The following CTNNB1 variants were observed in gnomAD, a reference collection of about 807,000 sequenced individuals.
The protein encoded by CTNNB1 is catenin beta-1.
A neutral mutation model predicts 82.5 loss-of-function variants in CTNNB1; 6 were observed. That is an observed-to-expected ratio of 0.07 (90% CI 0.04 to 0.14). CTNNB1 has a LOEUF of 0.14. CTNNB1 is among the 10% of genes least tolerant of loss of function. The probability of loss-of-function intolerance (pLI) is 1.00; values close to 1 mark genes in which losing one functional copy is unlikely to be tolerated. For missense variants in CTNNB1, 529 were observed against 980.4 expected (o/e 0.54, Z 6.15); for synonymous variants, 312 against 329.7 (o/e 0.95, Z 0.58).
At chr3:41,234,436 AT>A in intron 10 of CTNNB1, 139 bp downstream of exon 10, 2 of 849,552 alleles carry the variant, frequency 2.4e-6, no homozygotes, top group South Asian at 1.5e-5. Flanking sequence ...TAAATAAATA[AT>A]TACACATTTC....
chr3:41,215,409 CTT>C (rs1364424956), intron 1 of CTNNB1, among the ~76,000 whole-genome samples: 2 of 144,068 alleles, frequency 1.4e-5, no homozygotes, highest in African/African-American at 5.0e-5. Flanking sequence ...AAAAAACACT[CTT>C]AGGTTATAAA....
At chr3:41,238,326 C>T in intron 14 of CTNNB1, 2 of 487,430 alleles carry the variant, frequency 4.1e-6, no homozygotes, top group Non-Finnish European at 7.3e-6. Flanking sequence ...CTCTGCAGTG[C>T]AGGATGTTAC....
At chr3:41,212,114 T>A (rs919008119) in intron 1 of CTNNB1, among the ~76,000 whole-genome samples, 11 of 152,342 alleles carry the variant, frequency 7.2e-5, no homozygotes, top group Admixed American at 7.2e-4. Context: ...TTTTGCCCAT[T>A]GAGATCTTCC....
chr3:41,216,049 AAAGGGTAC>A (rs2077910851), intron 1 of CTNNB1, among the ~76,000 whole-genome samples: 1 of 152,188 alleles, frequency 6.6e-6, no homozygotes, highest in Non-Finnish European at 1.5e-5. Flanking sequence ...GATTAGATTG[AAAGGGTAC>A]ATGACTGAGC....
At chr3:41,227,035 G>A (rs536582610) in intron 6 of CTNNB1, among the ~76,000 whole-genome samples, 173 bp from the exon 7 acceptor site, 9 of 152,270 alleles carry the variant, frequency 5.9e-5, no homozygotes, top group African/African-American at 1.9e-4. Flanking sequence ...AAAAGGACAA[G>A]TTGGATAGGG....
chr3:41,232,476 C>A (rs1167177526), intron 7 of CTNNB1, among the ~76,000 whole-genome samples: 1 of 151,984 alleles, frequency 6.6e-6, no homozygotes, highest in Non-Finnish European at 1.5e-5. Flanking sequence ...TAGACCTCAT[C>A]TGAGGAAATA....
rs760755242 is a variant in CTNNB1, at chr3:41,239,419, G to A, written c.*77G>A. The A allele has an allele frequency of 1.7e-4, 233 of 1,351,558 alleles. No homozygotes were observed. The highest frequency in any genetic ancestry group is 2.3e-4 in the Non-Finnish European group (223 of 966,062). 83.7% of individuals were successfully genotyped at this position (1,351,558 alleles called of 1,614,324 possible). A position where few individuals can be genotyped will look rare whatever the true frequency, so the allele number is the denominator to read the frequency against. ...TACTCTGCCTACAGAACTTCAGAAAGACTTGGTTGGTAGGGTGGGAGTGGT... is the reference window on the plus strand; with the variant it reads ...TACTCTGCCTACAGAACTTCAGAAAAACTTGGTTGGTAGGGTGGGAGTGGT... On this transcript the variant is annotated 3_prime_UTR_variant, in exon 15 of 15. Transcript: ENST00000349496.
At position 41,225,879 on chromosome 3, in the gene CTNNB1, T is replaced by C. The variant is rs374234001; in HGVS notation, c.936+18T>C. ...AAAGCAAGGTAAGAGAATTATTCTT[T>C]ATGTGGTTTTCATGGAGCATTGGAC... is the stretch of plus-strand genomic sequence containing the variant. On this transcript the variant is annotated intron_variant, in intron 6 of 14. Transcript: ENST00000349496. This position sits in a 1 kb window ranked among gnomAD's most constrained non-coding sequence, Gnocchi z 5.3. The C allele has an allele frequency of 6.2e-7, 1 of 1,605,026 alleles. No individual in the cohort carries two copies. Among genetic ancestry groups the C allele is most frequent in the South Asian group, 1.1e-5 (1 of 90,644 alleles).
At chr3:41,204,107 A>T (rs1441731494) in intron 1 of CTNNB1, among the ~76,000 whole-genome samples, 5 of 148,934 alleles carry the variant, frequency 3.4e-5, no homozygotes, top group Admixed American at 6.6e-5. Flanking sequence ...TTTTTTTTTT[A>T]AAGGCAAGAA....
intron 2 of CTNNB1, 58 bp from the exon 3 acceptor site, chr3:41,224,468 T>C: frequency 1.4e-6 from 2 of 1,475,136 alleles, no homozygotes; most frequent in Non-Finnish European, 1.9e-6. Context: ...GATTCTTTTT[T>C]TTTAAATTAA....
At chr3:41,227,164 T>A (rs1280180616) in intron 6 of CTNNB1, 44 bp from the exon 7 acceptor site, 2 of 1,527,214 alleles carry the variant, frequency 1.3e-6, no homozygotes, top group Non-Finnish European at 1.8e-6. Flanking sequence ...AGACATGTGA[T>A]CAAGATTCCT....
chr3:41,207,245 T>C (rs1374965080), intron 1 of CTNNB1, among the ~76,000 whole-genome samples: 1 of 152,198 alleles, frequency 6.6e-6, no homozygotes, highest in East Asian at 1.9e-4. Context: ...TAATTAATTA[T>C]GGTTAAAATG....
At position 41,225,182 on chromosome 3, in the gene CTNNB1, C is replaced by T. The variant is rs1413932105; in HGVS notation, c.470C>T (p.Thr157Ile). ...ELATRAIPEL[T>I]KLLNDEDQVV... Reference sequence around the variant, plus strand: ...GCCACACGTGCAATCCCTGAACTGACAAAACTGCTAAATGACGAGGACCAG... The same window carrying T: ...GCCACACGTGCAATCCCTGAACTGATAAAACTGCTAAATGACGAGGACCAG... The change falls in exon 4 of 15, where the codon ACA becomes ATA. Residue 157 changes from threonine (T) to isoleucine (I), a missense_variant. Coordinates refer to ENST00000349496, the MANE Select transcript of CTNNB1 (RefSeq NM_001904.4). The surrounding 1 kb of genome is among the most constrained non-coding windows in gnomAD (Gnocchi z 5.3). 6.2e-7 allele frequency: 1 copy of T among 1,614,068 alleles called. No homozygotes were observed.
intron 1 of CTNNB1, chr3:41,222,182 C>T (rs1277758755): frequency 6.6e-6 from 1 of 152,190 alleles, no homozygotes; most frequent in Admixed American, 6.5e-5. Flanking sequence ...AGAGACAGCC[C>T]TTAGTCCAAA....
intron 1 of CTNNB1, among the ~76,000 whole-genome samples, chr3:41,205,909 G>C (rs1375471858): frequency 6.6e-6 from 1 of 152,148 alleles, no homozygotes; most frequent in Non-Finnish European, 1.5e-5. Context: ...ATCTCCATGA[G>C]ACTTCGTGGA....
rs149603705 is a variant in CTNNB1, at chr3:41,224,856, A to G, written c.242-98A>G. ...TTAAATAAAATGTTGTGGTGAAGAA[A>G]AGAGAGTAATAGCAATGTCACTTTT... On this transcript the variant is annotated intron_variant, in intron 3 of 14. Coordinates refer to ENST00000349496, the MANE Select transcript of CTNNB1 (RefSeq NM_001904.4). 415 of 1,602,564 alleles carry G rather than the reference A, an allele frequency of 2.6e-4. 4 individuals carry two copies. The East Asian group carries it at 6.4e-3, about 25-fold the overall frequency.
chr3:41,214,966 A>G (rs971729518), intron 1 of CTNNB1, among the ~76,000 whole-genome samples: 28 of 152,178 alleles, frequency 1.8e-4, no homozygotes, highest in Admixed American at 5.2e-4. Context: ...TATGGCCCAC[A>G]AAACCTAAAA....
At chr3:41,236,305 T>G in intron 11 of CTNNB1, 44 bp from the exon 12 acceptor site, 1 of 1,613,284 alleles carries the variant, frequency 6.2e-7, no homozygotes, top group East Asian at 2.2e-5. Flanking sequence ...TTGCCATGTT[T>G]TAGCTTTAGA....
At chr3:41,237,790 G>T (rs1575336774) in intron 13 of CTNNB1, 20 of 455,996 alleles carry the variant, frequency 4.4e-5, no homozygotes, top group East Asian at 8.6e-5. Context: ...AATATTTGTT[G>T]AAAGAACAAG....
Sources: allele counts gnomAD v4.1 joint callset (sites outside exome capture counted in the v4.1 genomes callset), GRCh38; gene constraint gnomAD v4.1.1; non-coding constraint Gnocchi (gnomAD v3.1); transcripts MANE v1.5; gene names NCBI Gene and HGNC (gene_info 2026-07-23, HGNC 2026-07-21).